ATXN1: variants seen among roughly 807,000 people sequenced by gnomAD.
ATXN1 encodes ataxin 1.
ATXN1 carries 8 observed loss-of-function variants against 56.4 expected under a neutral mutation model. The observed-to-expected ratio is 0.14, with a 90% CI of 0.08 to 0.26. The LOEUF (loss-of-function observed/expected upper bound fraction) is 0.26, where lower values mean the gene tolerates loss of function less well. ATXN1 is among the 10% of genes least tolerant of loss of function. ATXN1 has a pLI of 1.00. For missense variants in ATXN1, 987 were observed against 1,106.5 expected (o/e 0.89, Z 1.53); for synonymous variants, 514 against 494.6 (o/e 1.04, Z -0.52).
At chr6:16,436,173 C>A (rs1435270436) in intron 6 of ATXN1, among the ~76,000 whole-genome samples, 1 of 152,180 alleles carries the variant, frequency 6.6e-6, no homozygotes, top group Admixed American at 6.5e-5. Context: ...GCTGGGATTA[C>A]AGGCGTGAGC....
At chr6:16,646,240 T>G (rs1363579395) in intron 3 of ATXN1, among the ~76,000 whole-genome samples, 3 of 152,000 alleles carry the variant, frequency 2.0e-5, no homozygotes, top group Non-Finnish European at 4.4e-5. Flanking sequence ...ACAAAAGACG[T>G]GTCTACCACT....
At chr6:16,657,230 G>A (rs760679276) in intron 3 of ATXN1, among the ~76,000 whole-genome samples, 7 of 151,942 alleles carry the variant, frequency 4.6e-5, no homozygotes, top group African/African-American at 7.3e-5. Flanking sequence ...CTCGTGATCC[G>A]CGCGCCTCGG....
At chr6:16,427,941 G>C (rs915321592) in intron 6 of ATXN1, among the ~76,000 whole-genome samples, 1 of 152,206 alleles carries the variant, frequency 6.6e-6, no homozygotes, top group African/African-American at 2.4e-5. Flanking sequence ...GGCTGTGGGA[G>C]GGGGTGCTCA....
At chr6:16,409,831 G>A (rs1758762394) in intron 6 of ATXN1, among the ~76,000 whole-genome samples, 5 of 152,056 alleles carry the variant, frequency 3.3e-5, no homozygotes, top group Admixed American at 6.5e-5. Context: ...TTTAAACAGC[G>A]AGTTCTAGAG....
Position 16,328,958 on chromosome 6 carries a change from C to T in ATXN1, c.-160-488G>A, listed in dbSNP as rs551726125. ...CGAAACAAAACAACAACAACAAAAA[C>T]AAAAACACTAGCCGTGGCAGCTGCA... On this transcript the variant is annotated intron_variant, in intron 6 of 7. Coordinates refer to ENST00000436367, the MANE Select transcript of ATXN1 (RefSeq NM_001128164.2). This position sits in a 1 kb window ranked among gnomAD's most constrained non-coding sequence, Gnocchi z 6.2. Among the ~76,000 whole-genome samples, 19 of 152,104 alleles carry T rather than the reference C, an allele frequency of 1.2e-4. No individual in the cohort carries two copies. The South Asian group carries it at 2.7e-3, about 22-fold the overall frequency.
intron 6 of ATXN1, among the ~76,000 whole-genome samples, chr6:16,382,345 C>T (rs1201616958): frequency 6.6e-6 from 1 of 151,268 alleles, no homozygotes; most frequent in Non-Finnish European, 1.5e-5. Context: ...CACTTATAGT[C>T]CCAGCAACTT....
At chr6:16,627,977 C>G (rs964717190) in intron 3 of ATXN1, among the ~76,000 whole-genome samples, 1 of 152,066 alleles carries the variant, frequency 6.6e-6, no homozygotes, top group African/African-American at 2.4e-5. Context: ...GTTAATGAGC[C>G]CTGCAAACAG....
chr6:16,627,138 T>A (rs974182509), intron 3 of ATXN1, among the ~76,000 whole-genome samples: 14 of 151,884 alleles, frequency 9.2e-5, no homozygotes, highest in Non-Finnish European at 2.1e-4. Context: ...GAATGAGGAG[T>A]CCATATGTCC....
chr6:16,695,825 G>A (rs987074676), intron 2 of ATXN1, among the ~76,000 whole-genome samples: 5 of 152,120 alleles, frequency 3.3e-5, no homozygotes, highest in African/African-American at 1.2e-4. Flanking sequence ...AAAAATAAGT[G>A]TGGTCGCACA....
At chr6:16,734,672 T>G (rs1282076285) in intron 2 of ATXN1, among the ~76,000 whole-genome samples, 1 of 152,170 alleles carries the variant, frequency 6.6e-6, no homozygotes, top group East Asian at 1.9e-4. Flanking sequence ...TTTTTGTATT[T>G]TAGTAAAGAC....
At chr6:16,503,996 A>T (rs1760933255) in intron 5 of ATXN1, among the ~76,000 whole-genome samples, 1 of 152,168 alleles carries the variant, frequency 6.6e-6, no homozygotes, top group Non-Finnish European at 1.5e-5. Context: ...AAAAATTCTT[A>T]AAAATGTAAT....
intron 6 of ATXN1, among the ~76,000 whole-genome samples, chr6:16,346,852 G>A (rs1761407708): frequency 6.6e-6 from 1 of 152,208 alleles, no homozygotes; most frequent in Non-Finnish European, 1.5e-5. Flanking sequence ...GGCCAGAGCC[G>A]GCTCCCTCAG....
intron 5 of ATXN1, among the ~76,000 whole-genome samples, chr6:16,510,424 C>A (rs1247051497): frequency 6.6e-6 from 1 of 152,168 alleles, no homozygotes; most frequent in African/African-American, 2.4e-5. Context: ...ATTCAAAGAT[C>A]ATTGTGAGTG....
intron 1 of ATXN1, among the ~76,000 whole-genome samples, chr6:16,759,557 T>TTTTTTTTC: frequency 6.8e-6 from 1 of 146,932 alleles, no homozygotes; most frequent in Non-Finnish European, 1.5e-5. Flanking sequence ...TTTTTTTTTT[T>TTTTTTTTC]TGCCCTTACT....
At chr6:16,358,134 C>CA (rs1761729139) in intron 6 of ATXN1, among the ~76,000 whole-genome samples, 1 of 151,938 alleles carries the variant, frequency 6.6e-6, no homozygotes, top group Admixed American at 6.6e-5. Context: ...GGCGAAGATG[C>CA]AAAAATGGCC....
At chr6:16,735,061 G>A (rs530316577) in intron 2 of ATXN1, among the ~76,000 whole-genome samples, 2 of 152,118 alleles carry the variant, frequency 1.3e-5, no homozygotes, top group Non-Finnish European at 1.5e-5. Context: ...GTTCTACAAT[G>A]ACACAGGTGG....
chr6:16,548,996 C>T (rs1761866669), intron 4 of ATXN1, among the ~76,000 whole-genome samples: 1 of 152,156 alleles, frequency 6.6e-6, no homozygotes, highest in African/African-American at 2.4e-5. Flanking sequence ...TAGGCCTATA[C>T]AGGGTCAGGA....
intron 3 of ATXN1, among the ~76,000 whole-genome samples, chr6:16,614,736 A>T (rs1581293921): frequency 6.6e-6 from 1 of 151,666 alleles, no homozygotes; most frequent in African/African-American, 2.4e-5. Flanking sequence ...CAGCCTGGCG[A>T]ACATGGTGAA....
At chr6:16,337,237 C>T (rs550050154) in intron 6 of ATXN1, among the ~76,000 whole-genome samples, 58 of 152,330 alleles carry the variant, frequency 3.8e-4, no homozygotes, top group Non-Finnish European at 7.5e-4. Context: ...CATTGCTATT[C>T]GTAGTGAGCA....
Sources: gnomAD v4.1 joint callset for allele counts (sites outside exome capture counted in the v4.1 genomes callset) on GRCh38, gnomAD v4.1.1 for gene constraint, Gnocchi (gnomAD v3.1) non-coding constraint, MANE v1.5 for transcripts, NCBI Gene and HGNC (gene_info 2026-07-23, HGNC 2026-07-21) for gene names.